Variants in PDILT observed in about 807,000 individuals in gnomAD.
The protein encoded by PDILT is protein disulfide-isomerase-like protein of the testis.
Under a neutral mutation model 53.7 loss-of-function variants are expected in PDILT, and 43 were observed. That is an observed-to-expected ratio of 0.80 (90% CI 0.63 to 1.03). The LOEUF (loss-of-function observed/expected upper bound fraction) is 1.03, where lower values mean the gene tolerates loss of function less well. Ranked by LOEUF, PDILT falls within the 50% of genes least tolerant of loss-of-function variation. The pLI, the probability that PDILT is intolerant of heterozygous loss-of-function variation, is 0.00. For missense variants in PDILT, 727 were observed against 712.3 expected (o/e 1.02, Z -0.24); for synonymous variants, 282 against 274.2 (o/e 1.03, Z -0.28).
intron 1 of PDILT, among the ~76,000 whole-genome samples, chr16:20,402,832 T>C (rs1201232454): frequency 6.6e-6 from 1 of 152,190 alleles, no homozygotes; most frequent in Non-Finnish European, 1.5e-5. Flanking sequence ...GCCCTGGGAC[T>C]GTGCTCTCAG....
intron 8 of PDILT, 117 bp from the exon 9 acceptor site, chr16:20,365,657 T>C (rs1173148396): frequency 7.7e-6 from 10 of 1,304,834 alleles, no homozygotes; most frequent in Non-Finnish European, 1.1e-5. Flanking sequence ...ACAAGAGCCT[T>C]AGGAAAGGGT....
intron 7 of PDILT, among the ~76,000 whole-genome samples, chr16:20,371,854 T>C (rs901137692): frequency 6.6e-6 from 1 of 152,188 alleles, no homozygotes; most frequent in African/African-American, 2.4e-5. Flanking sequence ...CCCCAAGACA[T>C]ATATTTAACA....
intron 7 of PDILT, among the ~76,000 whole-genome samples, chr16:20,370,955 A>AC: frequency 6.6e-6 from 1 of 152,252 alleles, no homozygotes; most frequent in Non-Finnish European, 1.5e-5. Context: ...CATATAATCA[A>AC]GAAATAACTA....
intron 3 of PDILT, among the ~76,000 whole-genome samples, chr16:20,384,033 A>G (rs1237295084): frequency 1.3e-5 from 2 of 152,226 alleles, no homozygotes; most frequent in African/African-American, 4.8e-5. Flanking sequence ...GGTGTTTGGT[A>G]GACATTGCAT....
At position 20,368,873 on chromosome 16, in the gene PDILT, C is replaced by T. The variant is rs570948363; in HGVS notation, c.1116+619G>A. On this transcript the variant is annotated intron_variant, in intron 8 of 11. Coordinates refer to ENST00000302451, the MANE Select transcript of PDILT (RefSeq NM_174924.2). ...TGCTGGGATTACAGGCATGAACCAC[C>T]GCACCTGGCCCATTCCAGAATCCTT... is the stretch of plus-strand genomic sequence containing the variant. Among the ~76,000 whole-genome samples the T allele has an allele frequency of 7.9e-5, 12 of 152,250 alleles. No individual in the cohort carries two copies. The East Asian group carries it at 1.5e-3, about 20-fold the overall frequency.
chr16:20,363,073 A>G (rs1966131143), intron 9 of PDILT, among the ~76,000 whole-genome samples: 1 of 69,942 alleles, frequency 1.4e-5, no homozygotes, highest in Non-Finnish European at 2.7e-5. Flanking sequence ...CTCCATCTCA[A>G]AAAAAAAAAA....
At position 20,359,336 on chromosome 16, in the gene PDILT, C is replaced by G; in HGVS notation, c.1738G>C (p.Val580Leu). The G allele has an allele frequency of 6.2e-7, 1 of 1,613,786 alleles. No homozygotes were observed. Among genetic ancestry groups the G allele is most frequent in the Non-Finnish European group, 8.5e-7 (1 of 1,179,948 alleles). The part of the protein sequence containing the change: ...GPPVQKKKPK[V>L]KEEL ...TGGAGAAGCTAAAGTTCTTCCTTGA[C>G]TTTTGGTTTCTTCTTTTGCACTGGA... The change falls in exon 12 of 12, where the codon GTC becomes CTC. Residue 580 changes from valine to leucine, a missense_variant. Physicochemically the swap from Val to Leu is conservative, Grantham distance 32. Coordinates refer to ENST00000302451, the MANE Select transcript of PDILT (RefSeq NM_174924.2).
intron 6 of PDILT, 34 bp from the exon 7 acceptor site, chr16:20,372,961 AC>A: frequency 6.2e-7 from 1 of 1,613,720 alleles, no homozygotes; most frequent in East Asian, 2.2e-5. Context: ...CATCCCAAGC[AC>A]ACACAGTGGC....
intron 4 of PDILT, 52 bp from the exon 5 acceptor site, chr16:20,375,011 G>A (rs1966364462): frequency 6.5e-7 from 1 of 1,549,898 alleles, no homozygotes; most frequent in Non-Finnish European, 8.7e-7. Flanking sequence ...AAGGTGCCTG[G>A]TTTATATAAG....
At chr16:20,377,143 C>T (rs894425600) in intron 3 of PDILT, among the ~76,000 whole-genome samples, 1 of 152,068 alleles carries the variant, frequency 6.6e-6, no homozygotes, top group African/African-American at 2.4e-5. Context: ...AGAAAATTAG[C>T]CAGGCATGGT....
intron 2 of PDILT, among the ~76,000 whole-genome samples, chr16:20,391,894 G>T (rs1251212924): frequency 1.3e-5 from 2 of 151,702 alleles, no homozygotes; most frequent in East Asian, 3.9e-4. Flanking sequence ...GTGTAGGAAG[G>T]ATACTATGGA....
intron 2 of PDILT, among the ~76,000 whole-genome samples, chr16:20,393,142 G>A (rs571372409): frequency 6.6e-6 from 1 of 152,318 alleles, no homozygotes; most frequent in East Asian, 1.9e-4. Context: ...GAGTGAGACT[G>A]CAAGTTTCTC....
At chr16:20,381,864 A>T (rs575852327) in intron 3 of PDILT, among the ~76,000 whole-genome samples, 1 of 152,086 alleles carries the variant, frequency 6.6e-6, no homozygotes, top group Non-Finnish European at 1.5e-5. Flanking sequence ...GGGTGCTTCC[A>T]ATTCCATTGT....
chr16:20,381,541 CAAGA>C (rs1966461644), intron 3 of PDILT, among the ~76,000 whole-genome samples: 2 of 147,414 alleles, frequency 1.4e-5, no homozygotes, highest in Non-Finnish European at 3.0e-5. Flanking sequence ...GAGGCTAATG[CAAGA>C]CAATCACTTG....
At chr16:20,365,169 G>A (rs1966171110) in intron 9 of PDILT, among the ~76,000 whole-genome samples, 1 of 152,204 alleles carries the variant, frequency 6.6e-6, no homozygotes, top group Non-Finnish European at 1.5e-5. Flanking sequence ...GAGCATTATT[G>A]TTTTTACAAA....
intron 9 of PDILT, among the ~76,000 whole-genome samples, chr16:20,364,088 G>A (rs530400525): frequency 1.3e-5 from 2 of 152,280 alleles, no homozygotes; most frequent in East Asian, 1.9e-4. Flanking sequence ...AGCACTCAGC[G>A]GGTCCTGGGT....
intron 1 of PDILT, among the ~76,000 whole-genome samples, chr16:20,400,113 G>A (rs1966718011): frequency 1.3e-5 from 2 of 150,692 alleles, no homozygotes; most frequent in African/African-American, 2.4e-5. Context: ...CCAGGCTGGG[G>A]TGCAGTGGCA....
intron 5 of PDILT, among the ~76,000 whole-genome samples, chr16:20,373,691 A>T (rs887135931): frequency 6.6e-6 from 1 of 152,218 alleles, no homozygotes; most frequent in African/African-American, 2.4e-5. Context: ...AAAGGTGGCC[A>T]ACTGTTCAAT....
chr16:20,381,648 A>G (rs113270732), intron 3 of PDILT, among the ~76,000 whole-genome samples: 19,091 of 150,438 alleles, frequency 0.13, 1,531 homozygotes, highest in African/African-American at 0.21. Context: ...AAAAAAAAAA[A>G]AAAAAAAGAG....
Sources: allele counts gnomAD v4.1 joint callset (sites outside exome capture counted in the v4.1 genomes callset), GRCh38; gene constraint gnomAD v4.1.1; transcripts MANE v1.5; gene names NCBI Gene and HGNC (gene_info 2026-07-23, HGNC 2026-07-21).